MED17: variants seen among roughly 807,000 people sequenced by gnomAD.
MED17 encodes mediator of RNA polymerase II transcription subunit 17.
In MED17, 49 loss-of-function variants were observed where a neutral mutation model predicts 80.8. The observed-to-expected ratio is 0.61, with a 90% CI of 0.48 to 0.77. The LOEUF (loss-of-function observed/expected upper bound fraction) is 0.77. MED17 is among the 30% of genes least tolerant of loss of function. The pLI is 0.00. For synonymous variants in MED17, 281 were observed against 280.4 expected (o/e 1.00, Z -0.02); for missense variants, 718 against 787.0 (o/e 0.91, Z 1.05).
chr11:93,792,832 T>G (rs1002795760), intron 3 of MED17, among the ~76,000 whole-genome samples: 1 of 152,048 alleles, frequency 6.6e-6, no homozygotes, highest in South Asian at 2.1e-4. Context: ...TCCTAGTTAC[T>G]TGGGAGGCTG....
Position 93,786,264 on chromosome 11 carries a change from C to A in MED17, c.250+1501C>A, listed in dbSNP as rs912914651. 6.6e-5 allele frequency among the ~76,000 whole-genome samples: 10 copies of A among 152,024 alleles called. No homozygotes were observed. The East Asian group carries it at 1.9e-3, about 29-fold the overall frequency. On this transcript the variant is annotated intron_variant, in intron 1 of 11. Coordinates refer to ENST00000251871, the MANE Select transcript of MED17 (RefSeq NM_004268.5). ...GCTCATAGAGGAGAGACTTCAGATA[C>A]CAATAAACAGAACATAGACTCAATC...
At position 93,797,735 on chromosome 11, in the gene MED17, G is replaced by A. The variant is rs200391569; in HGVS notation, c.1328+16G>A. 303 of 1,600,808 alleles carry A rather than the reference G, an allele frequency of 1.9e-4. 3 individuals carry two copies. Among genetic ancestry groups the A allele is most frequent in the Middle Eastern group, 1.7e-3 (10 of 5,886 alleles). On this transcript the variant is annotated intron_variant, in intron 8 of 11. Coordinates refer to ENST00000251871, the MANE Select transcript of MED17 (RefSeq NM_004268.5). ...TAAGGAGTAGGTAAGGTTGAAGAAA[G>A]TTACTGTTTTCTGTTTTTTCTTTGA...
Position 93,794,668 on chromosome 11 carries a change from C to T in MED17, c.860-240C>T, listed in dbSNP as rs934734781. ...TCCCTCTACAGGAATTTAAACTTTCCTCTTCAGGAATGAAAGATTGGGGTG... is the reference window on the plus strand; with the variant it reads ...TCCCTCTACAGGAATTTAAACTTTCTTCTTCAGGAATGAAAGATTGGGGTG... On this transcript the variant is annotated intron_variant, in intron 5 of 11. Coordinates refer to ENST00000251871, the MANE Select transcript of MED17 (RefSeq NM_004268.5). The T allele has an allele frequency of 2.8e-5, 16 of 563,562 alleles. No individual in the cohort carries two copies. The South Asian group carries it at 3.2e-4, about 11-fold the overall frequency. The allele number at this position is 563,562 out of a possible 1,614,324, so 34.9% of individuals were successfully genotyped here. A position where few individuals can be genotyped will look rare whatever the true frequency, so the allele number is the denominator to read the frequency against.
Position 93,807,607 on chromosome 11 carries a change from A to T in MED17, c.1556A>T (p.Gln519Leu). The T allele has an allele frequency of 6.2e-7, 1 of 1,611,224 alleles. No homozygotes were observed. The change falls in exon 10 of 12, where the codon CAG becomes CTG. Residue 519 changes from glutamine to leucine, a missense_variant. By Grantham distance (113) the Gln-to-Leu change is moderately radical (BLOSUM62 -2). Transcript: ENST00000251871. ...GTAATTACACTGTCTTATCAGGAGC[A>T]GGAGCTACAGGATTTTCTTCTGTCT... ...GRVITLSYQE[Q>L]ELQDFLLSQM...
At position 93,814,619 on chromosome 11, in the gene MED17, A is replaced by T. The variant is rs1186548351; in HGVS notation, c.*2555A>T. The T allele has an allele frequency of 6.6e-6, 1 of 152,226 alleles. No homozygotes were observed. The highest frequency in any genetic ancestry group is 1.5e-5 in the Non-Finnish European group (1 of 68,036). The allele number at this position is 152,226 out of a possible 1,614,324, so 9.4% of individuals were successfully genotyped here. ...GAAGTTTCAGTAACGTTGGTAATAA[A>T]TGTTAAATTCTAAAGTACTACATAA... is the stretch of plus-strand genomic sequence containing the variant. On this transcript the variant is annotated 3_prime_UTR_variant, in exon 12 of 12. Transcript: ENST00000251871.
intron 9 of MED17, among the ~76,000 whole-genome samples, 198 bp downstream of exon 9, chr11:93,802,170 A>C (rs1359679832): frequency 6.6e-6 from 1 of 151,902 alleles, no homozygotes; most frequent in Non-Finnish European, 1.5e-5. Context: ...AGTGATGATC[A>C]TATCTGACTA....
At chr11:93,799,075 C>T (rs1274432139) in intron 8 of MED17, among the ~76,000 whole-genome samples, 3 of 152,200 alleles carry the variant, frequency 2.0e-5, no homozygotes, top group Admixed American at 2.0e-4. Context: ...GTGGCTCACC[C>T]CTGTAGTCCC....
Position 93,788,048 on chromosome 11 carries a change from A to C in MED17, c.298A>C (p.Asn100His). ...PSLWPWDSVR[N>H]NLRSALTEMC... is the part of the protein sequence containing the mutation. The stretch of plus-strand genomic sequence containing the variant: ...CCTTTGGCCTTGGGACTCAGTGAGG[A>C]ACAATTTGAGAAGTGCCCTGACAGA... Residue 100 changes from asparagine to histidine, a missense_variant, in exon 2 of 12, where the codon AAC becomes CAC. Asn to His is a moderately conservative substitution (Grantham distance 68, BLOSUM62 1). Transcript: ENST00000251871. 1 of 1,613,870 alleles carries C rather than the reference A, an allele frequency of 6.2e-7. No homozygotes were observed. Among genetic ancestry groups the C allele is most frequent in the Non-Finnish European group, 8.5e-7 (1 of 1,179,930 alleles).
intron 10 of MED17, chr11:93,809,482 C>T: frequency 1.8e-6 from 1 of 570,522 alleles, no homozygotes. Flanking sequence ...TATGTCTTTG[C>T]TTAAGCTGCC....
At chr11:93,789,320 G>A (rs1219131727) in intron 2 of MED17, 1 of 152,180 alleles carries the variant, frequency 6.6e-6, no homozygotes, top group Non-Finnish European at 1.5e-5. Flanking sequence ...ATATGTTCAA[G>A]TTGCTGTCAA....
intron 2 of MED17, chr11:93,789,561 G>C (rs942897010): frequency 2.6e-5 from 4 of 152,144 alleles, no homozygotes; most frequent in Non-Finnish European, 5.9e-5. Flanking sequence ...TATTAAACTG[G>C]TTAGTAAAAT....
intron 11 of MED17, 135 bp from the exon 12 acceptor site, chr11:93,811,718 G>A: frequency 1.3e-6 from 1 of 762,108 alleles, no homozygotes; most frequent in East Asian, 2.6e-5. Context: ...AACTGAAAAA[G>A]CACTTTTTTA....
chr11:93,795,921 A>G (rs1347789028), intron 6 of MED17: 1 of 166,802 alleles, frequency 6.0e-6, no homozygotes, highest in Non-Finnish European at 1.3e-5. Flanking sequence ...TTGTTAAAAT[A>G]CGTGGTAGCT....
At position 93,793,936 on chromosome 11, in the gene MED17, T is replaced by A; in HGVS notation, c.775-15T>A. Reference sequence around the variant, plus strand: ...AGTTAATTTGTTAACTTTTTTTGTTTTTGTTGTCATATAGGTTTCAATACA... The same window carrying A: ...AGTTAATTTGTTAACTTTTTTTGTTATTGTTGTCATATAGGTTTCAATACA... On this transcript the variant is annotated splice_polypyrimidine_tract_variant and intron_variant, in intron 4 of 11. Transcript: ENST00000251871. The A allele has an allele frequency of 6.2e-7, 1 of 1,613,894 alleles. No homozygotes were observed. The highest frequency in any genetic ancestry group is 8.5e-7 in the Non-Finnish European group (1 of 1,179,878).
Position 93,809,879 on chromosome 11 carries a change from A to G in MED17, c.1744+3A>G. ...AAGTGGTGACTATGCTATTTCAGGT[A>G]CTTTCTGCTGCTTTGAATGAGAAGG... On this transcript the variant is annotated splice_donor_region_variant and intron_variant, in intron 11 of 11. Coordinates refer to ENST00000251871, the MANE Select transcript of MED17 (RefSeq NM_004268.5). The G allele has an allele frequency of 6.2e-7, 1 of 1,614,182 alleles. No homozygotes were observed. Among genetic ancestry groups the G allele is most frequent in the South Asian group, 1.1e-5 (1 of 91,078 alleles).
At chr11:93,802,107 G>T in intron 9 of MED17, 135 bp downstream of exon 9, 1 of 819,474 alleles carries the variant, frequency 1.2e-6, no homozygotes. Flanking sequence ...AAGCTGTAGA[G>T]TGTTTTTTTT....
At chr11:93,805,159 TG>T (rs1490785778) in intron 9 of MED17, among the ~76,000 whole-genome samples, 2 of 152,264 alleles carry the variant, frequency 1.3e-5, no homozygotes, top group Admixed American at 6.5e-5. Flanking sequence ...ACAGCCTTTT[TG>T]TATTTCATTG....
intron 7 of MED17, 30 bp from the exon 8 acceptor site, chr11:93,797,505 A>G (rs764465697): frequency 7.0e-6 from 11 of 1,579,368 alleles, no homozygotes. Context: ...CTATGTGGAT[A>G]TTGGTATTTA....
In MED17 at chr11:93,812,880, G is replaced by GT; in HGVS notation, c.*823dup. 1 of 152,316 alleles carries GT rather than the reference G, an allele frequency of 6.6e-6. No homozygotes were observed. The highest frequency in any genetic ancestry group is 1.5e-5 in the Non-Finnish European group (1 of 68,072). The allele number at this position is 152,316 out of a possible 1,614,324, so 9.4% of individuals were successfully genotyped here. ...GATTATCTCTTTAGGGCGTCCTCAAGTTTTTTTGGTCTGTTCTCCCACTTG... is the reference window on the plus strand; with the variant it reads ...GATTATCTCTTTAGGGCGTCCTCAAGTTTTTTTTGGTCTGTTCTCCCACTTG... On this transcript the variant is annotated 3_prime_UTR_variant, in exon 12 of 12. Coordinates refer to ENST00000251871, the MANE Select transcript of MED17 (RefSeq NM_004268.5).
Sources: allele counts gnomAD v4.1 joint callset (sites outside exome capture counted in the v4.1 genomes callset), GRCh38; gene constraint gnomAD v4.1.1; transcripts MANE v1.5; gene names NCBI Gene and HGNC (gene_info 2026-07-23, HGNC 2026-07-21).